Variants in RASSF5 observed in about 807,000 individuals in gnomAD.
The protein encoded by RASSF5 is Ras association domain family member 5.
A neutral mutation model predicts 40.5 loss-of-function variants in RASSF5; 25 were observed. The observed-to-expected ratio is 0.62, with a 90% CI of 0.45 to 0.86. RASSF5 has a LOEUF of 0.86. RASSF5 is among the 40% of genes least tolerant of loss of function. RASSF5 has a pLI of 0.00. For missense variants in RASSF5, 521 were observed against 572.8 expected (o/e 0.91, Z 0.92); for synonymous variants, 246 against 252.4 (o/e 0.97, Z 0.24).
chr1:206,551,417 G>A (rs1320555101), intron 2 of RASSF5, among the ~76,000 whole-genome samples: 3 of 152,112 alleles, frequency 2.0e-5, no homozygotes, highest in African/African-American at 7.2e-5. Context: ...TGGCTAGGCC[G>A]TCCCATCTGG....
chr1:206,507,999 G>A lies in RASSF5; in HGVS notation c.397G>A (p.Gly133Ser), dbSNP rs782739938. The change falls in exon 1 of 6, where the codon GGC becomes AGC. Residue 133 changes from glycine (G) to serine (S), a missense_variant. This residue lies in a region of RASSF5 where 237 missense variants were observed against 212.0 expected (regional missense o/e 1.12). Coordinates refer to ENST00000579436, the MANE Select transcript of RASSF5 (RefSeq NM_182663.4). ...CTTCGCCGAGTTGGTGCTGCCGGGC[G>A]GCCCCGGCTGGTGTGACCTGTGCGG... ...HCFAELVLPG[G>S]PGWCDLCGRE... is the part of the protein sequence containing the mutation. The A allele has an allele frequency of 1.3e-6, 2 of 1,512,978 alleles. No homozygotes were observed. The highest frequency in any genetic ancestry group is 4.0e-5 in the Admixed American group (2 of 49,564). The allele number at this position is 1,512,978 out of a possible 1,614,324, so 93.7% of individuals were successfully genotyped here. A position where few individuals can be genotyped will look rare whatever the true frequency, so the allele number is the denominator to read the frequency against.
At chr1:206,542,961 C>G (rs1019423715) in intron 2 of RASSF5, 3 of 152,174 alleles carry the variant, frequency 2.0e-5, no homozygotes, top group Admixed American at 6.5e-5. Flanking sequence ...CCTATAATGT[C>G]AGCACTTTGT....
intron 2 of RASSF5, among the ~76,000 whole-genome samples, chr1:206,572,245 T>C (rs950132432): frequency 6.6e-6 from 1 of 152,166 alleles, no homozygotes; most frequent in Non-Finnish European, 1.5e-5. Context: ...TGAACCCCTA[T>C]TGTGTGCCTG....
chr1:206,551,115 A>G (rs1269754829), intron 2 of RASSF5, among the ~76,000 whole-genome samples: 2 of 152,218 alleles, frequency 1.3e-5, no homozygotes, highest in African/African-American at 4.8e-5. Context: ...ATGTCAGGAA[A>G]GTCAGAAACT....
At position 206,581,922 on chromosome 1, in the gene RASSF5, TC is replaced by T. The variant is rs35449258; in HGVS notation, c.580-1346del. 6.5e-3 allele frequency among the ~76,000 whole-genome samples: 984 copies of T among 152,152 alleles called. 28 individuals carry two copies. Among genetic ancestry groups the T allele is most frequent in the East Asian group, 0.052 (267 of 5,156 alleles). ...TGTTCCGCGGGGTGGTGATGTGACG[TC>T]GCGGCAGCTGTGAAATTCCCCAGCC... On this transcript the variant is annotated intron_variant, in intron 2 of 5. Coordinates refer to ENST00000579436, the MANE Select transcript of RASSF5 (RefSeq NM_182663.4).
chr1:206,545,209 CTCATT>C (rs1464970211), intron 2 of RASSF5, among the ~76,000 whole-genome samples: 1 of 152,148 alleles, frequency 6.6e-6, no homozygotes, highest in Non-Finnish European at 1.5e-5. Context: ...GTTCTGTCTA[CTCATT>C]TCATTTATTA....
intron 1 of RASSF5, chr1:206,518,585 A>C: frequency 5.0e-6 from 2 of 398,314 alleles, no homozygotes. Context: ...TTGGGTTCTG[A>C]GGCCTCTGCT....
chr1:206,510,906 G>C (rs1388606515), intron 1 of RASSF5, among the ~76,000 whole-genome samples: 1 of 152,198 alleles, frequency 6.6e-6, no homozygotes, highest in African/African-American at 2.4e-5. Flanking sequence ...CAGTGGGTAT[G>C]TGAGTGACAT....
intron 1 of RASSF5, among the ~76,000 whole-genome samples, chr1:206,525,266 G>A (rs782654206): frequency 2.6e-4 from 39 of 152,302 alleles, no homozygotes; most frequent in South Asian, 1.7e-3. Context: ...GCCCCTGCAG[G>A]CCAACCAGGG....
At chr1:206,564,468 C>T (rs1553403104) in intron 2 of RASSF5, among the ~76,000 whole-genome samples, 1 of 152,166 alleles carries the variant, frequency 6.6e-6, no homozygotes, top group Non-Finnish European at 1.5e-5. Flanking sequence ...ATCCACCCAC[C>T]CAAGCAGTTT....
chr1:206,583,554 C>G (rs1195417628), intron 3 of RASSF5, 175 bp downstream of exon 3: 2 of 595,916 alleles, frequency 3.4e-6, no homozygotes, highest in Non-Finnish European at 3.0e-6. Context: ...TCAGTGGCCT[C>G]CATGTGCTTT....
chr1:206,569,249 T>A (rs189923597), intron 2 of RASSF5, among the ~76,000 whole-genome samples: 140 of 152,270 alleles, frequency 9.2e-4, no homozygotes, highest in Middle Eastern at 6.8e-3. Flanking sequence ...CCCATACACA[T>A]CCTAAGGTTA....
rs375077289 is a variant in RASSF5, at chr1:206,571,094, G to C, written c.580-12175G>C. Among the ~76,000 whole-genome samples, 77 of 152,212 alleles carry C rather than the reference G, an allele frequency of 5.1e-4. 2 individuals are homozygous for C. In the South Asian group the frequency reaches 0.016, roughly 31 times the overall value. On this transcript the variant is annotated intron_variant, in intron 2 of 5. Coordinates refer to ENST00000579436, the MANE Select transcript of RASSF5 (RefSeq NM_182663.4). ...TTTCCCTGCATCCATGCCAATGCTTGTTATTTTCTTGTTTATTGTTTTTAT... is the reference window on the plus strand; with the variant it reads ...TTTCCCTGCATCCATGCCAATGCTTCTTATTTTCTTGTTTATTGTTTTTAT...
intron 2 of RASSF5, among the ~76,000 whole-genome samples, chr1:206,567,795 G>C: frequency 6.6e-6 from 1 of 152,160 alleles, no homozygotes; most frequent in East Asian, 1.9e-4. Flanking sequence ...AATGGCTGGT[G>C]ATTGGGCGTT....
intron 1 of RASSF5, among the ~76,000 whole-genome samples, chr1:206,523,105 G>A (rs546965400): frequency 6.6e-6 from 1 of 151,772 alleles, no homozygotes; most frequent in African/African-American, 2.4e-5. Flanking sequence ...AGGAGTTCAA[G>A]ACTAGCCTGG....
At chr1:206,553,001 A>C (rs1667884670) in intron 2 of RASSF5, among the ~76,000 whole-genome samples, 1 of 152,134 alleles carries the variant, frequency 6.6e-6, no homozygotes, top group South Asian at 2.1e-4. Flanking sequence ...CAGGAGATCG[A>C]GACCATCCTG....
intron 1 of RASSF5, among the ~76,000 whole-genome samples, chr1:206,524,410 T>G (rs1393522619): frequency 7.1e-6 from 1 of 141,644 alleles, no homozygotes; most frequent in Non-Finnish European, 1.5e-5. Flanking sequence ...CCATATGTAA[T>G]ACATTTTATA....
At chr1:206,551,643 T>A (rs1667844235) in intron 2 of RASSF5, among the ~76,000 whole-genome samples, 1 of 152,172 alleles carries the variant, frequency 6.6e-6, no homozygotes, top group Admixed American at 6.5e-5. Context: ...GCACCTGAAG[T>A]CCTGGCCACA....
At chr1:206,563,948 A>C (rs17434403) in intron 2 of RASSF5, among the ~76,000 whole-genome samples, 15,746 of 152,168 alleles carry the variant, frequency 0.1, 878 homozygotes, top group Non-Finnish European at 0.13. Flanking sequence ...GCCCTTTGAG[A>C]TCTTGATGGC....
Sources: gnomAD v4.1 joint callset for allele counts (sites outside exome capture counted in the v4.1 genomes callset) on GRCh38, gnomAD v4.1.1 for gene constraint, gnomAD v4.1.1 regional missense constraint, MANE v1.5 for transcripts, NCBI Gene and HGNC (gene_info 2026-07-23, HGNC 2026-07-21) for gene names.